The following AIG1 variants were observed in gnomAD, a reference collection of about 807,000 sequenced individuals.
The protein encoded by AIG1 is androgen-induced gene 1 protein.
In AIG1, 23 loss-of-function variants were observed where a neutral mutation model predicts 31.4. The observed-to-expected ratio is 0.73, with a 90% CI of 0.53 to 1.04. The LOEUF is 1.04. Among genes scored for constraint, AIG1 ranks in the 50% least tolerant of loss-of-function variants. AIG1 has a pLI of 0.00. For synonymous variants in AIG1, 100 were observed against 110.5 expected (o/e 0.90, Z 0.60); for missense variants, 274 against 295.0 (o/e 0.93, Z 0.52).
At chr6:143,223,214 C>T (rs1165007904) in intron 3 of AIG1, among the ~76,000 whole-genome samples, 1 of 152,228 alleles carries the variant, frequency 6.6e-6, no homozygotes, top group African/African-American at 2.4e-5. Flanking sequence ...TCAGCATCTA[C>T]TGGCAACTGG....
chr6:143,266,633 C>T (rs1302136918), intron 3 of AIG1, among the ~76,000 whole-genome samples: 1 of 151,788 alleles, frequency 6.6e-6, no homozygotes, highest in Non-Finnish European at 1.5e-5. Flanking sequence ...AATTATACCC[C>T]AGTACTGAAA....
intron 3 of AIG1, among the ~76,000 whole-genome samples, chr6:143,230,438 GATA>G (rs1793356000): frequency 6.7e-6 from 1 of 149,788 alleles, no homozygotes; most frequent in South Asian, 2.1e-4. Flanking sequence ...CCTGTTAAAT[GATA>G]ATATTTAGTG....
At position 143,291,700 on chromosome 6, in the gene AIG1, G is replaced by C. The variant is rs769301143; in HGVS notation, c.515+7475G>C. ...GTCTTAGAGTGCATGGAATAAATAA[G>C]TAAACCCCCCTCCCATTCAGGGTTC... On this transcript the variant is annotated intron_variant, in intron 4 of 5. Transcript: ENST00000357847. This position sits in a 1 kb window ranked among gnomAD's most constrained non-coding sequence, Gnocchi z 4.2. 3.9e-5 allele frequency among the ~76,000 whole-genome samples: 6 copies of C among 152,168 alleles called. No homozygotes were observed. The highest frequency in any genetic ancestry group is 7.3e-5 in the Non-Finnish European group (5 of 68,030).
chr6:143,342,457 G>A, downstream of AIG1: 3 of 773,654 alleles, frequency 3.9e-6, no homozygotes, highest in South Asian at 1.4e-5. Flanking sequence ...GCAACAAGTG[G>A]TGAAGCATAC....
intron 1 of AIG1, among the ~76,000 whole-genome samples, chr6:143,064,349 G>T (rs558547886): frequency 6.6e-6 from 1 of 152,180 alleles, no homozygotes; most frequent in Admixed American, 6.5e-5. Flanking sequence ...ATACGACAAT[G>T]CTGGGTTTGA....
At chr6:143,084,149 T>G (rs1778544574) in intron 1 of AIG1, among the ~76,000 whole-genome samples, 1 of 151,980 alleles carries the variant, frequency 6.6e-6, no homozygotes, top group Non-Finnish European at 1.5e-5. Flanking sequence ...CCCTCAATGG[T>G]CAAGCATACC....
At chr6:143,219,682 C>A (rs1164879225) in intron 3 of AIG1, among the ~76,000 whole-genome samples, 1 of 152,154 alleles carries the variant, frequency 6.6e-6, no homozygotes, top group Non-Finnish European at 1.5e-5. Flanking sequence ...TTCAAGAAAG[C>A]CTCAGATTAT....
chr6:143,179,463 C>T (rs761866677), intron 3 of AIG1, among the ~76,000 whole-genome samples: 3 of 152,176 alleles, frequency 2.0e-5, no homozygotes, highest in Non-Finnish European at 4.4e-5. Flanking sequence ...TTTCAGAACA[C>T]GTCATCAACT....
chr6:143,141,083 G>A (rs905366192), intron 2 of AIG1, among the ~76,000 whole-genome samples: 1 of 152,194 alleles, frequency 6.6e-6, no homozygotes, highest in African/African-American at 2.4e-5. Flanking sequence ...TTTGCTTCAT[G>A]GTGCAGGCAA....
intron 1 of AIG1, among the ~76,000 whole-genome samples, chr6:143,100,801 C>G (rs1257537804): frequency 6.6e-6 from 1 of 151,986 alleles, no homozygotes; most frequent in Non-Finnish European, 1.5e-5. Context: ...TCTCCTGCCT[C>G]AGCCTCCTGA....
At chr6:143,146,098 C>T (rs1784678314) in intron 2 of AIG1, among the ~76,000 whole-genome samples, 1 of 152,080 alleles carries the variant, frequency 6.6e-6, no homozygotes, top group Non-Finnish European at 1.5e-5. Context: ...TCAAGAGATT[C>T]AGACAACGGG....
At chr6:143,174,581 T>C (rs896699468) in intron 3 of AIG1, among the ~76,000 whole-genome samples, 1 of 152,170 alleles carries the variant, frequency 6.6e-6, no homozygotes, top group Admixed American at 6.5e-5. Context: ...ACCTTAAGTT[T>C]ATGTGAGTCT....
In AIG1 at chr6:143,330,302, G is replaced by A. The variant is rs1239005029; in HGVS notation, c.516-2980G>A. 2.6e-5 allele frequency among the ~76,000 whole-genome samples: 4 copies of A among 152,146 alleles called. No individual in the cohort carries two copies. The East Asian group carries it at 7.7e-4, about 29-fold the overall frequency. On this transcript the variant is annotated intron_variant, in intron 4 of 5. Transcript: ENST00000357847. The surrounding 1 kb of genome is among the most constrained non-coding windows in gnomAD (Gnocchi z 4.4). ...AAGGATGAAAGAATAGAGAGTTTGAGGGTAGAGGTTGCAATTTTTAGATAC... is the reference window on the plus strand; with the variant it reads ...AAGGATGAAAGAATAGAGAGTTTGAAGGTAGAGGTTGCAATTTTTAGATAC...
At chr6:143,184,438 T>C (rs1470041094) in intron 3 of AIG1, among the ~76,000 whole-genome samples, 1 of 152,136 alleles carries the variant, frequency 6.6e-6, no homozygotes, top group Non-Finnish European at 1.5e-5. Flanking sequence ...ACAAGGACCT[T>C]GAGATAAACC....
chr6:143,187,671 C>G, intron 3 of AIG1: 2 of 1,536,044 alleles, frequency 1.3e-6, no homozygotes, highest in Non-Finnish European at 1.7e-6. Flanking sequence ...TTTCAAACGC[C>G]CATCTGACTT....
At chr6:143,218,714 C>T (rs192031850) in intron 3 of AIG1, among the ~76,000 whole-genome samples, 1 of 152,168 alleles carries the variant, frequency 6.6e-6, no homozygotes, top group East Asian at 1.9e-4. Flanking sequence ...ACAAAGGAAG[C>T]CCTTGGCAAA....
intron 3 of AIG1, among the ~76,000 whole-genome samples, chr6:143,229,418 C>T (rs1227597795): frequency 1.3e-5 from 2 of 152,230 alleles, no homozygotes; most frequent in Admixed American, 1.3e-4. Context: ...CTTCTAGCCT[C>T]TCTGGAGTTC....
intron 1 of AIG1, among the ~76,000 whole-genome samples, chr6:143,112,773 T>C (rs1448548823): frequency 6.6e-6 from 1 of 152,182 alleles, no homozygotes; most frequent in Non-Finnish European, 1.5e-5. Flanking sequence ...ATCACCCATT[T>C]CACCAGTTGA....
intron 3 of AIG1, among the ~76,000 whole-genome samples, chr6:143,245,693 C>G (rs1317047016): frequency 6.6e-6 from 1 of 152,236 alleles, no homozygotes; most frequent in Non-Finnish European, 1.5e-5. Context: ...TGTTTCTATC[C>G]TGTAAGGAAA....
Sources: allele counts gnomAD v4.1 joint callset (sites outside exome capture counted in the v4.1 genomes callset), GRCh38; gene constraint gnomAD v4.1.1; non-coding constraint Gnocchi (gnomAD v3.1); transcripts MANE v1.5; gene names NCBI Gene and HGNC (gene_info 2026-07-23, HGNC 2026-07-21).